KAT6A: variants seen among roughly 807,000 people sequenced by gnomAD.
KAT6A encodes the protein lysine acetyltransferase 6A.
In KAT6A, 9 loss-of-function variants were observed where a neutral mutation model predicts 198.4. The observed-to-expected ratio is 0.05, with a 90% CI of 0.03 to 0.08. KAT6A has a LOEUF of 0.08. Among genes scored for constraint, KAT6A ranks in the 10% least tolerant of loss-of-function variants. KAT6A has a pLI of 1.00. For missense variants in KAT6A, 2,077 were observed against 2,509.9 expected, an observed-to-expected ratio of 0.83 and a Z score of 3.69; for synonymous variants, 890 against 883.0, an observed-to-expected ratio of 1.01 and a Z score of -0.14.
At chr8:42,005,731 T>G (rs1825707344) in intron 2 of KAT6A, among the ~76,000 whole-genome samples, 2 of 151,522 alleles carry the variant, frequency 1.3e-5, no homozygotes, top group Middle Eastern at 3.4e-3. Flanking sequence ...AGAAAGCCAA[T>G]GTGCTGCACA....
At chr8:41,958,128 C>G (rs1392585172) in intron 8 of KAT6A, 2 of 152,244 alleles carry the variant, frequency 1.3e-5, no homozygotes, top group South Asian at 2.1e-4. Context: ...CACAGAAACA[C>G]TACAGTAAGT....
chr8:41,954,651 A>G (rs779471816), intron 9 of KAT6A, among the ~76,000 whole-genome samples: 6 of 152,212 alleles, frequency 3.9e-5, no homozygotes, highest in Non-Finnish European at 5.9e-5. Context: ...AATGTCCTCA[A>G]TATCCCCACG....
intron 6 of KAT6A, chr8:41,977,590 T>C (rs1824124661): frequency 5.9e-6 from 2 of 339,124 alleles, no homozygotes; most frequent in Admixed American, 8.6e-5. Context: ...AATTCTCTCT[T>C]ACTAGCTGTA....
chr8:42,048,496 A>G lies in KAT6A; in HGVS notation c.482T>C (p.Leu161Pro). 6.2e-7 allele frequency: 1 copy of G among 1,614,184 alleles called. No homozygotes were observed. The highest frequency in any genetic ancestry group is 8.5e-7 in the Non-Finnish European group (1 of 1,180,024). The change falls in exon 2 of 17, where the codon CTT (leucine) becomes CCT (proline). Residue 161 changes from leucine (L) to proline (P), a missense_variant. Coordinates refer to ENST00000265713, the MANE Select transcript of KAT6A (RefSeq NM_006766.5). Reference sequence around the variant, plus strand: ...GAGCCGATAAAGAGGTCCATCTTTAAGGAGTCTGCCGTGGCCAATGGCACG... The same window carrying G: ...GAGCCGATAAAGAGGTCCATCTTTAGGGAGTCTGCCGTGGCCAATGGCACG... ...IKRAIGHGRL[L>P]KDGPLYRLNT...
At position 41,940,966 on chromosome 8, in the gene KAT6A, C is replaced by G. The variant is rs376411038; in HGVS notation, c.2915G>C (p.Arg972Pro). 83 of 1,614,076 alleles carry G rather than the reference C, an allele frequency of 5.1e-5. No individual in the cohort carries two copies. The highest frequency in any genetic ancestry group is 6.4e-5 in the Non-Finnish European group (75 of 1,180,042). ...LTEGSERLPR[R>P]YSEGDRAVLR... ...GACAGCCCTGTCACCCTCACTGTAG[C>G]GACGGGGCAGCCTCTCACTTCCTTC... Residue 972 changes from arginine to proline, a missense_variant, in exon 15 of 17, where the codon CGC (arginine) becomes CCC (proline). Arg to Pro is a moderately radical substitution (Grantham distance 103, BLOSUM62 -2). Around this residue, in one of 13 missense-constraint regions of KAT6A, gnomAD observed 301 missense variants for 272.2 expected, o/e 1.11. Transcript: ENST00000265713.
chr8:41,973,442 A>G (rs933632962), intron 8 of KAT6A, among the ~76,000 whole-genome samples: 2 of 152,014 alleles, frequency 1.3e-5, no homozygotes, highest in African/African-American at 4.8e-5. Context: ...CTGGTCTCGA[A>G]TTCCTGACCT....
Position 42,048,736 on chromosome 8 carries a change from G to A in KAT6A, c.242C>T (p.Ala81Val). 4 of 1,614,188 alleles carry A rather than the reference G, an allele frequency of 2.5e-6. No homozygotes were observed. The highest frequency in any genetic ancestry group is 1.7e-5 in the Admixed American group (1 of 60,022). ...TCCATGGTTCCGAGGCTTAGGAAGT[G>A]CTATTCGCCCAGGATTATCAGGATC... ...YKDPDNPGRI[A>V]LPKPRNHGKL... The change falls in exon 2 of 17, where the codon GCA (alanine) becomes GTA (valine). Residue 81 changes from alanine (A) to valine (V), a missense_variant. This residue lies in a region of KAT6A where 185 missense variants were observed against 185.7 expected (regional missense o/e 1.00). Transcript: ENST00000265713.
chr8:42,042,277 T>C (rs537077117), intron 2 of KAT6A, among the ~76,000 whole-genome samples: 38 of 151,998 alleles, frequency 2.5e-4, no homozygotes, highest in Non-Finnish European at 4.6e-4. Context: ...GCCAACCTGG[T>C]GAAACCCCAT....
In KAT6A at chr8:41,941,141, T is replaced by G; in HGVS notation, c.2740A>C (p.Thr914Pro). The change falls in exon 15 of 17, where the codon ACT (threonine) becomes CCT (proline). Residue 914 changes from threonine (T) to proline (P), a missense_variant. Transcript: ENST00000265713. ...GCCACCAGCTGTTCTTCACTTTCAG[T>G]GTATTGTTCCTGGGTGGCTTCTGAT... ...EKSEATQEQY[T>P]ESEEQLVASE... 6.2e-7 allele frequency: 1 copy of G among 1,614,200 alleles called. No individual in the cohort carries two copies. The highest frequency in any genetic ancestry group is 8.5e-7 in the Non-Finnish European group (1 of 1,180,030).
chr8:41,956,339 G>A (rs997447843), intron 8 of KAT6A, among the ~76,000 whole-genome samples: 2 of 152,030 alleles, frequency 1.3e-5, no homozygotes, highest in Admixed American at 1.3e-4. Flanking sequence ...TAACTGACAA[G>A]AAAAAGACAA....
intron 8 of KAT6A, among the ~76,000 whole-genome samples, chr8:41,968,680 G>A (rs1823630614): frequency 6.6e-6 from 1 of 152,152 alleles, no homozygotes; most frequent in Non-Finnish European, 1.5e-5. Flanking sequence ...GCACACAAAT[G>A]CTTCTTTCTA....
chr8:42,029,760 C>G (rs963747626), intron 2 of KAT6A, among the ~76,000 whole-genome samples: 1 of 151,706 alleles, frequency 6.6e-6, no homozygotes, highest in Non-Finnish European at 1.5e-5. Context: ...CCATGACCAC[C>G]TCAATTATAG....
intron 15 of KAT6A, among the ~76,000 whole-genome samples, chr8:41,939,517 T>C (rs1371380679): frequency 6.6e-6 from 1 of 152,116 alleles, no homozygotes; most frequent in Middle Eastern, 3.2e-3. Flanking sequence ...ATTACAAGAG[T>C]GACCACTATG....
intron 8 of KAT6A, among the ~76,000 whole-genome samples, chr8:41,963,224 T>G (rs1430581536): frequency 6.6e-6 from 1 of 152,194 alleles, no homozygotes; most frequent in East Asian, 1.9e-4. Flanking sequence ...AAATATTATC[T>G]TTGATAAAAA....
chr8:41,966,371 T>A (rs1823490991), intron 8 of KAT6A, among the ~76,000 whole-genome samples: 1 of 152,074 alleles, frequency 6.6e-6, no homozygotes, highest in African/African-American at 2.4e-5. Flanking sequence ...AATAGTACAA[T>A]AAGAGATTTA....
intron 2 of KAT6A, among the ~76,000 whole-genome samples, chr8:42,005,947 T>G (rs1388342590): frequency 6.6e-6 from 1 of 152,170 alleles, no homozygotes; most frequent in Middle Eastern, 3.2e-3. Context: ...GGGAAGAAGG[T>G]GGGGATACTA....
chr8:41,995,274 A>C (rs1187444775), intron 2 of KAT6A, among the ~76,000 whole-genome samples: 1 of 152,208 alleles, frequency 6.6e-6, no homozygotes, highest in Non-Finnish European at 1.5e-5. Flanking sequence ...TTTACAAAGC[A>C]ATCTCACAAA....
chr8:41,955,377 A>G lies in KAT6A; in HGVS notation c.1517T>C (p.Val506Ala). The change falls in exon 9 of 17, where the codon GTC (valine) becomes GCC (alanine). Residue 506 changes from valine to alanine, a missense_variant. Transcript: ENST00000265713. ...VGVTGPPDPQ[V>A]RCPSVIEFGK... Reference sequence around the variant, plus strand: ...AAACTCAATGACAGAGGGACAGCGGACTTGTGGATCAGGGGGACCAGTCAC... The same window carrying G: ...AAACTCAATGACAGAGGGACAGCGGGCTTGTGGATCAGGGGGACCAGTCAC... The G allele has an allele frequency of 6.2e-7, 1 of 1,613,012 alleles. No individual in the cohort carries two copies. Among genetic ancestry groups the G allele is most frequent in the Non-Finnish European group, 8.5e-7 (1 of 1,179,484 alleles).
chr8:42,019,728 T>C (rs1826439337), intron 2 of KAT6A, among the ~76,000 whole-genome samples: 3 of 152,150 alleles, frequency 2.0e-5, no homozygotes, highest in Non-Finnish European at 2.9e-5. Context: ...GTTTTCAATA[T>C]TGTCCAGAAA....
Sources: allele counts gnomAD v4.1 joint callset (sites outside exome capture counted in the v4.1 genomes callset), GRCh38; gene constraint gnomAD v4.1.1; regional missense constraint gnomAD v4.1.1; transcripts MANE v1.5; gene names NCBI Gene and HGNC (gene_info 2026-07-23, HGNC 2026-07-21).